SLC25A26: variants seen among roughly 807,000 people sequenced by gnomAD.
SLC25A26 encodes the protein solute carrier family 25 member 26.
Under a neutral mutation model 37.8 loss-of-function variants are expected in SLC25A26, and 36 were observed. The observed-to-expected ratio is 0.95, with a 90% CI of 0.73 to 1.26. The LOEUF (loss-of-function observed/expected upper bound fraction) is 1.26, where lower values mean the gene tolerates loss of function less well. Among genes scored for constraint, SLC25A26 ranks in the 50% most tolerant of loss-of-function variants. SLC25A26 has a pLI of 0.00. For synonymous variants in SLC25A26, 129 were observed against 122.5 expected, an observed-to-expected ratio of 1.05 and a Z score of -0.35; for missense variants, 390 against 331.1, an observed-to-expected ratio of 1.18 and a Z score of -1.38.
chr3:66,151,762 C>T (rs916314220), intron 1 of SLC25A26, among the ~76,000 whole-genome samples: 1 of 152,138 alleles, frequency 6.6e-6, no homozygotes, highest in Non-Finnish European at 1.5e-5. Context: ...CTGATCAGGC[C>T]TCATGTACCT....
At chr3:66,239,490 G>T (rs951956469) in intron 2 of SLC25A26, among the ~76,000 whole-genome samples, 1 of 152,150 alleles carries the variant, frequency 6.6e-6, no homozygotes, top group South Asian at 2.1e-4. Context: ...CTTGTTTACT[G>T]ACTCATGGAT....
intron 1 of SLC25A26, among the ~76,000 whole-genome samples, chr3:66,181,301 C>T (rs369986690): frequency 6.6e-6 from 1 of 152,222 alleles, no homozygotes; most frequent in African/African-American, 2.4e-5. Flanking sequence ...GGTTCAAATC[C>T]CAGTTGATCA....
At chr3:66,254,970 C>G (rs1225752339) in intron 3 of SLC25A26, among the ~76,000 whole-genome samples, 1 of 152,056 alleles carries the variant, frequency 6.6e-6, no homozygotes, top group Non-Finnish European at 1.5e-5. Flanking sequence ...GTTGTAAAAC[C>G]CTGGTGGTGA....
At chr3:66,142,829 T>A (rs1006211680) in intron 1 of SLC25A26, among the ~76,000 whole-genome samples, 1 of 152,154 alleles carries the variant, frequency 6.6e-6, no homozygotes, top group Non-Finnish European at 1.5e-5. Flanking sequence ...AGTGGTGTGA[T>A]CTTAGCTTGC....
intron 1 of SLC25A26, among the ~76,000 whole-genome samples, chr3:66,222,458 G>T (rs972646890): frequency 6.6e-5 from 10 of 152,250 alleles, no homozygotes; most frequent in African/African-American, 2.2e-4. Context: ...TGGGACTACA[G>T]GCGTGAGCCA....
chr3:66,203,052 T>C (rs2071130507), intron 1 of SLC25A26, among the ~76,000 whole-genome samples: 1 of 152,204 alleles, frequency 6.6e-6, no homozygotes, highest in Non-Finnish European at 1.5e-5. Flanking sequence ...ATATATTAAC[T>C]TAATTGTAAT....
At chr3:66,349,918 G>A (rs956591188) in intron 6 of SLC25A26, among the ~76,000 whole-genome samples, 6 of 152,104 alleles carry the variant, frequency 3.9e-5, no homozygotes, top group Non-Finnish European at 7.4e-5. Flanking sequence ...TTGTGAATTG[G>A]TGTCTCATTG....
intron 5 of SLC25A26, among the ~76,000 whole-genome samples, chr3:66,281,619 C>T (rs1168767219): frequency 2.0e-5 from 3 of 152,068 alleles, no homozygotes; most frequent in African/African-American, 7.2e-5. Flanking sequence ...ACAGTTTACT[C>T]GTTTAAAGTG....
At chr3:66,319,902 C>T (rs932128375) in intron 5 of SLC25A26, among the ~76,000 whole-genome samples, 1 of 151,822 alleles carries the variant, frequency 6.6e-6, no homozygotes, top group Non-Finnish European at 1.5e-5. Context: ...TACAGGCACA[C>T]ACCACCACGC....
chr3:66,148,341 G>T lies in SLC25A26; in HGVS notation c.-354+14357G>T, dbSNP rs114099133. Among the ~76,000 whole-genome samples the T allele has an allele frequency of 3.8e-3, 581 of 152,290 alleles. 6 individuals carry two copies. Among genetic ancestry groups the T allele is most frequent in the African/African-American group, 0.013 (553 of 41,558 alleles). On this transcript the variant is annotated intron_variant, in intron 1 of 10. Transcript: ENST00000676754. ...CCAGGGCATGATAAAGCACCCAGGG[G>T]CTAGGAACTGGGAAGCTGTTACCAC...
At chr3:66,189,006 C>G (rs1030978443) in intron 1 of SLC25A26, among the ~76,000 whole-genome samples, 25,745 of 151,914 alleles carry the variant, frequency 0.17, 2,903 homozygotes, top group East Asian at 0.48. Flanking sequence ...ATTCCTCATC[C>G]CAACTCACAT....
At chr3:66,365,493 A>G (rs923361602) in intron 7 of SLC25A26, among the ~76,000 whole-genome samples, 9 of 152,100 alleles carry the variant, frequency 5.9e-5, no homozygotes, top group Non-Finnish European at 1.2e-4. Flanking sequence ...CTAAACATAA[A>G]CCATAATGCA....
chr3:66,307,485 T>A lies in SLC25A26; in HGVS notation c.454-38879T>A, dbSNP rs991744675. Among the ~76,000 whole-genome samples, 4 of 152,226 alleles carry A rather than the reference T, an allele frequency of 2.6e-5. No individual in the cohort carries two copies. The South Asian group carries it at 8.3e-4, about 32-fold the overall frequency. The stretch of plus-strand genomic sequence containing the variant: ...TCACTCTGATGATAGTTTCTTTTGC[T>A]GTGCAGAAGCTCTTTAGTTTAATTA... On this transcript the variant is annotated intron_variant, in intron 5 of 9. Coordinates refer to ENST00000354883, the MANE Select transcript of SLC25A26 (RefSeq NM_001379210.1).
At chr3:66,247,408 C>T (rs377704683) in intron 3 of SLC25A26, among the ~76,000 whole-genome samples, 9 of 152,176 alleles carry the variant, frequency 5.9e-5, no homozygotes, top group Non-Finnish European at 7.4e-5. Flanking sequence ...TCTGGGCTCA[C>T]GTGATCCTCT....
chr3:66,306,727 C>T (rs1010797935), intron 5 of SLC25A26, among the ~76,000 whole-genome samples: 4 of 152,140 alleles, frequency 2.6e-5, no homozygotes, highest in African/African-American at 9.7e-5. Context: ...TCATTGTTCA[C>T]CTCCCACTTA....
chr3:66,321,707 TGGG>T (rs1212266899), intron 5 of SLC25A26, among the ~76,000 whole-genome samples: 5 of 151,852 alleles, frequency 3.3e-5, no homozygotes, highest in African/African-American at 1.2e-4. Context: ...AAAGTTTTCT[TGGG>T]GGGTTGTATC....
At chr3:66,375,636 C>A (rs534794218) in intron 9 of SLC25A26, among the ~76,000 whole-genome samples, 2 of 152,158 alleles carry the variant, frequency 1.3e-5, no homozygotes, top group African/African-American at 4.8e-5. Context: ...CAGCACATCT[C>A]TTTACAGCAT....
At chr3:66,222,145 A>C (rs2071525606) in intron 1 of SLC25A26, among the ~76,000 whole-genome samples, 1 of 151,950 alleles carries the variant, frequency 6.6e-6, no homozygotes, top group South Asian at 2.1e-4. Context: ...AACTTGTATA[A>C]GGTAGGTCTT....
At chr3:66,269,245 G>C (rs1234447664) in intron 5 of SLC25A26, among the ~76,000 whole-genome samples, 3 of 152,238 alleles carry the variant, frequency 2.0e-5, no homozygotes, top group East Asian at 3.9e-4. Context: ...CTTTTAGGTT[G>C]TTGGGTTCTT....
Sources: allele counts gnomAD v4.1 joint callset (sites outside exome capture counted in the v4.1 genomes callset), GRCh38; gene constraint gnomAD v4.1.1; transcripts MANE v1.5; gene names NCBI Gene and HGNC (gene_info 2026-07-23, HGNC 2026-07-21).